The following NIPAL4 variants were observed in gnomAD, a reference collection of about 807,000 sequenced individuals.
The protein encoded by NIPAL4 is magnesium transporter NIPA4.
Under a neutral mutation model 31.6 loss-of-function variants are expected in NIPAL4, and 21 were observed. The observed-to-expected ratio is 0.67, with a 90% CI of 0.47 to 0.96. The LOEUF (loss-of-function observed/expected upper bound fraction) is 0.96. Among genes scored for constraint, NIPAL4 ranks in the 40% least tolerant of loss-of-function variants. NIPAL4 has a pLI of 0.00. For synonymous variants in NIPAL4, 175 were observed against 211.1 expected, an observed-to-expected ratio of 0.83 and a Z score of 1.48; for missense variants, 438 against 508.0, an observed-to-expected ratio of 0.86 and a Z score of 1.32.
At chr5:157,466,316 T>C (rs549202692) in intron 2 of NIPAL4, among the ~76,000 whole-genome samples, 3 of 152,284 alleles carry the variant, frequency 2.0e-5, no homozygotes, top group African/African-American at 4.8e-5. Context: ...GGAGATGCAC[T>C]TGGACAGGTG....
chr5:157,463,950 G>C (rs1754184198), intron 2 of NIPAL4, among the ~76,000 whole-genome samples: 1 of 152,132 alleles, frequency 6.6e-6, no homozygotes, highest in Non-Finnish European at 1.5e-5. Flanking sequence ...CTAGACATGG[G>C]GATTCAGTGT....
chr5:157,460,289 G>T lies in NIPAL4; in HGVS notation c.-32G>T. On this transcript the variant is annotated 5_prime_UTR_variant, in exon 1 of 6. Transcript: ENST00000311946. ...GAGCTGGGGAGCCCGGGCGCCGTCC[G>T]CCCGCGCGTCGGTTCGTGTGCCCCG... 6.5e-7 allele frequency: 1 copy of T among 1,545,784 alleles called. No individual in the cohort carries two copies. Among genetic ancestry groups the T allele is most frequent in the South Asian group, 1.2e-5 (1 of 83,902 alleles).
At chr5:157,471,344 C>T (rs1581271606) in intron 4 of NIPAL4, among the ~76,000 whole-genome samples, 1 of 152,196 alleles carries the variant, frequency 6.6e-6, no homozygotes, top group East Asian at 1.9e-4. Context: ...CCATATGTGA[C>T]AGCTGTGTTT....
chr5:157,465,731 C>G (rs941549358), intron 2 of NIPAL4, among the ~76,000 whole-genome samples: 1 of 152,224 alleles, frequency 6.6e-6, no homozygotes, highest in African/African-American at 2.4e-5. Flanking sequence ...GTCACTCACA[C>G]CTGTAATCCC....
intron 3 of NIPAL4, chr5:157,467,686 AG>A (rs1355640954): frequency 6.3e-6 from 1 of 159,120 alleles, no homozygotes; most frequent in African/African-American, 2.4e-5. Context: ...CTGCTTTTAA[AG>A]GGGAGACCCA....
Position 157,472,966 on chromosome 5 carries a change from G to A in NIPAL4, c.*6G>A. 1.3e-6 allele frequency: 2 copies of A among 1,507,416 alleles called. No homozygotes were observed. Among genetic ancestry groups the A allele is most frequent in the East Asian group, 2.3e-5 (1 of 43,960 alleles). The allele number at this position is 1,507,416 out of a possible 1,614,324, so 93.4% of individuals were successfully genotyped here. ...TATTTATAATCCATTCCTGAAGCTT[G>A]GAATATGTGAGTGAGAGGATGAGTC... On this transcript the variant is annotated 3_prime_UTR_variant, in exon 6 of 6. Transcript: ENST00000311946.
In NIPAL4 at chr5:157,471,426, C is replaced by T. The variant is rs185618711; in HGVS notation, c.426-231C>T. 1.4e-3 allele frequency among the ~76,000 whole-genome samples: 212 copies of T among 152,282 alleles called. 2 individuals carry two copies. Among genetic ancestry groups the T allele is most frequent in the Non-Finnish European group, 4.9e-4 (33 of 68,038 alleles). On this transcript the variant is annotated intron_variant, in intron 4 of 5. Transcript: ENST00000311946. ...CATTTAGTTCCTGAGAACAATGTCT[C>T]CCGTGGATATTATTAGCATCCCCAT...
rs1483349431 is a variant in NIPAL4, at chr5:157,463,104, C to T, written c.48C>T (p.Leu16=). Residue 16 remains leucine, a synonymous_variant, in exon 2 of 6, where the codon CTC becomes CTT. Transcript: ENST00000311946. ...GGTCTTCCCATCCAGGTTCCCTGCT[C>T]CACCTCTACTGCTCCTCCCAAGAAG... The part of the protein sequence containing the change: ...SNTSCENGSL[L]HLYCSSQEVL... The T allele has an allele frequency of 2.5e-6, 4 of 1,613,970 alleles. No individual in the cohort carries two copies. The South Asian group carries it at 3.3e-5, about 13-fold the overall frequency.
chr5:157,466,045 G>A (rs564028254), intron 2 of NIPAL4, among the ~76,000 whole-genome samples: 3 of 135,598 alleles, frequency 2.2e-5, no homozygotes, highest in Non-Finnish European at 4.8e-5. Context: ...GAGGAGGGAG[G>A]GAAGGAAGAG....
Position 157,463,202 on chromosome 5 carries a change from G to A in NIPAL4, c.146G>A (p.Arg49Lys), listed in dbSNP as rs1420273619. ...SNATFHSWQERIRQNYGFYIG... is the reference protein window; with the variant it reads ...SNATFHSWQEKIRQNYGFYIG... ...GCCACCTTTCACAGCTGGCAGGAAA[G>A]AATCAGGCAGAACTATGGCTTCTAC... The change falls in exon 2 of 6, where the codon AGA becomes AAA. Residue 49 changes from arginine to lysine, a missense_variant. Physicochemically the swap from Arg to Lys is conservative, Grantham distance 26. Coordinates refer to ENST00000311946, the MANE Select transcript of NIPAL4 (RefSeq NM_001099287.2). 4 of 1,613,922 alleles carry A rather than the reference G, an allele frequency of 2.5e-6. No individual in the cohort carries two copies. In the South Asian group the frequency reaches 3.3e-5, roughly 13 times the overall value.
intron 4 of NIPAL4, 73 bp downstream of exon 4, chr5:157,468,885 G>A (rs2113665987): frequency 9.8e-7 from 1 of 1,021,682 alleles, no homozygotes; most frequent in Non-Finnish European, 1.4e-6. Flanking sequence ...ATTGCCAAGT[G>A]GGATCGACTG....
At chr5:157,462,669 T>C (rs1352747233) in intron 1 of NIPAL4, among the ~76,000 whole-genome samples, 4 of 152,226 alleles carry the variant, frequency 2.6e-5, no homozygotes, top group Admixed American at 1.3e-4. Context: ...ACTAAACTTA[T>C]CAGAGCTTTG....
chr5:157,468,537 A>T (rs1754342661), intron 3 of NIPAL4, among the ~76,000 whole-genome samples, 185 bp from the exon 4 acceptor site: 1 of 152,190 alleles, frequency 6.6e-6, no homozygotes, highest in Non-Finnish European at 1.5e-5. Flanking sequence ...TTAAAGTGGA[A>T]GGATCTGATC....
intron 5 of NIPAL4, 118 bp downstream of exon 5, chr5:157,471,935 C>A: frequency 1.3e-6 from 1 of 750,530 alleles, no homozygotes; most frequent in Non-Finnish European, 2.3e-6. Flanking sequence ...GAGGAGAAGG[C>A]AAGCTAAAGA....
At chr5:157,461,045 A>G (rs530123710) in intron 1 of NIPAL4, among the ~76,000 whole-genome samples, 1 of 152,326 alleles carries the variant, frequency 6.6e-6, no homozygotes, top group South Asian at 2.1e-4. Flanking sequence ...GGTGGACAGT[A>G]AAACCTCAAC....
At chr5:157,469,189 G>A (rs1200363734) in intron 4 of NIPAL4, among the ~76,000 whole-genome samples, 4 of 152,300 alleles carry the variant, frequency 2.6e-5, no homozygotes, top group South Asian at 2.1e-4. Context: ...TAGTAGTCAC[G>A]TTACCATAGG....
chr5:157,463,178 C>T lies in NIPAL4; in HGVS notation c.122C>T (p.Ala41Val). Reference sequence around the variant, plus strand: ...CTCAGCCCTGAGGTGCCCAGCAATGCCACCTTTCACAGCTGGCAGGAAAGA... The same window carrying T: ...CTCAGCCCTGAGGTGCCCAGCAATGTCACCTTTCACAGCTGGCAGGAAAGA... The part of the protein sequence containing the change: ...NDLSPEVPSN[A>V]TFHSWQERIR... Residue 41 changes from alanine (A) to valine (V), a missense_variant, in exon 2 of 6, where the codon GCC (alanine) becomes GTC (valine). Coordinates refer to ENST00000311946, the MANE Select transcript of NIPAL4 (RefSeq NM_001099287.2). 4.3e-6 allele frequency: 7 copies of T among 1,614,022 alleles called. No homozygotes were observed. Among genetic ancestry groups the T allele is most frequent in the African/African-American group, 1.3e-5 (1 of 75,066 alleles).
At position 157,463,137 on chromosome 5, in the gene NIPAL4, C is replaced by A. The variant is rs777337147; in HGVS notation, c.81C>A (p.Cys27Ter). Residue 27 changes from cysteine to a stop codon, truncating the protein, a stop_gained, in exon 2 of 6, where the codon TGC becomes TGA. Transcript: ENST00000311946. LOFTEE classifies it high-confidence loss of function. ...HLYCSSQEVL[C>*]QIVNDLSPEV... ...ACTGCTCCTCCCAAGAAGTCCTGTG[C>A]CAGATTGTCAATGACCTCAGCCCTG... is the stretch of plus-strand genomic sequence containing the variant. 6.2e-7 allele frequency: 1 copy of A among 1,614,026 alleles called. No individual in the cohort carries two copies.
At chr5:157,468,326 A>G (rs945538544) in intron 3 of NIPAL4, among the ~76,000 whole-genome samples, 4 of 152,220 alleles carry the variant, frequency 2.6e-5, no homozygotes, top group African/African-American at 9.6e-5. Context: ...TGGAGAACCA[A>G]TAATTGTAAC....
Sources: allele counts gnomAD v4.1 joint callset (sites outside exome capture counted in the v4.1 genomes callset), GRCh38; gene constraint gnomAD v4.1.1; transcripts MANE v1.5; gene names NCBI Gene and HGNC (gene_info 2026-07-23, HGNC 2026-07-21).